The following TPST1 variants were observed in gnomAD, a reference collection of about 807,000 sequenced individuals.
TPST1 encodes protein-tyrosine sulfotransferase 1.
Under a neutral mutation model 34.8 loss-of-function variants are expected in TPST1, and 20 were observed. The observed-to-expected ratio is 0.57, with a 90% CI of 0.40 to 0.84. The LOEUF is 0.84. Ranked by LOEUF, TPST1 falls within the 40% of genes least tolerant of loss-of-function variation. TPST1 has a pLI of 0.00. For synonymous variants in TPST1, 152 were observed against 159.4 expected (o/e 0.95, Z 0.35); for missense variants, 353 against 455.5 (o/e 0.78, Z 2.05).
chr7:66,240,999 T>A lies in TPST1; in HGVS notation c.574T>A (p.Ser192Thr). Residue 192 changes from serine to threonine, a missense_variant, in exon 2 of 6, where the codon TCA (serine) becomes ACA (threonine). By Grantham distance (58) the Ser-to-Thr change is moderately conservative. Coordinates refer to ENST00000304842, the MANE Select transcript of TPST1 (RefSeq NM_003596.4). ...MVRDGRASVH[S>T]MISRKVTIAG... is the part of the protein sequence containing the mutation. ...CCGAGATGGCCGGGCATCAGTACAT[T>A]CAATGATTTCTCGAAAAGTTACTAT... The A allele has an allele frequency of 6.2e-7, 1 of 1,614,210 alleles. No individual in the cohort carries two copies. The highest frequency in any genetic ancestry group is 8.5e-7 in the Non-Finnish European group (1 of 1,180,040).
intron 1 of TPST1, among the ~76,000 whole-genome samples, chr7:66,238,320 T>A (rs1181839194): frequency 6.6e-6 from 1 of 152,152 alleles, no homozygotes; most frequent in Non-Finnish European, 1.5e-5. Flanking sequence ...TCCTTCGTTA[T>A]TTTGTCATGC....
At chr7:66,242,147 A>G (rs987115793) in intron 2 of TPST1, among the ~76,000 whole-genome samples, 6 of 152,168 alleles carry the variant, frequency 3.9e-5, no homozygotes, top group African/African-American at 1.4e-4. Context: ...ATAAAAATGG[A>G]AACTACTATT....
At chr7:66,279,454 G>A (rs182220986) in intron 2 of TPST1, among the ~76,000 whole-genome samples, 237 of 152,272 alleles carry the variant, frequency 1.6e-3, no homozygotes, top group African/African-American at 5.5e-3. Context: ...CCAGTAAGGG[G>A]GTTACTGGGT....
chr7:66,213,339 C>T (rs1446169730), intron 1 of TPST1, among the ~76,000 whole-genome samples: 1 of 151,974 alleles, frequency 6.6e-6, no homozygotes, highest in Non-Finnish European at 1.5e-5. Context: ...GTTGAGCTAA[C>T]CCACCGAGTT....
chr7:66,267,508 C>T (rs184581217), intron 2 of TPST1, among the ~76,000 whole-genome samples: 1 of 151,994 alleles, frequency 6.6e-6, no homozygotes, highest in Non-Finnish European at 1.5e-5. Flanking sequence ...CAAGATGTTG[C>T]TACACAGAGA....
At chr7:66,316,753 TAAATG>T (rs1379843589) in intron 3 of TPST1, among the ~76,000 whole-genome samples, 1 of 152,222 alleles carries the variant, frequency 6.6e-6, no homozygotes, top group Admixed American at 6.5e-5. Flanking sequence ...GAATTTCAGA[TAAATG>T]TTGAGTACTT....
intron 2 of TPST1, among the ~76,000 whole-genome samples, chr7:66,278,016 C>G (rs1422375735): frequency 7.3e-6 from 1 of 137,880 alleles, no homozygotes; most frequent in African/African-American, 2.7e-5. Context: ...TGGAGAATTG[C>G]TTGAGCCCAT....
At chr7:66,335,105 G>A (rs1312781362) in intron 3 of TPST1, among the ~76,000 whole-genome samples, 2 of 152,082 alleles carry the variant, frequency 1.3e-5, no homozygotes, top group African/African-American at 2.4e-5. Flanking sequence ...ATCCCTGGTC[G>A]GATTTTCCAC....
In TPST1 at chr7:66,240,374, G is replaced by A; in HGVS notation, c.-52G>A. ...ACTGTCCATGGCCTGAACATTTTCC[G>A]AAAATCATTTTGAGCAAAATATCTG... is the stretch of plus-strand genomic sequence containing the variant. On this transcript the variant is annotated 5_prime_UTR_variant, in exon 2 of 6. Coordinates refer to ENST00000304842, the MANE Select transcript of TPST1 (RefSeq NM_003596.4). The A allele has an allele frequency of 1.3e-5, 20 of 1,570,764 alleles. No individual in the cohort carries two copies. The highest frequency in any genetic ancestry group is 1.6e-5 in the Non-Finnish European group (18 of 1,158,010).
intron 1 of TPST1, among the ~76,000 whole-genome samples, chr7:66,206,406 G>C (rs1584130187): frequency 1.3e-5 from 2 of 152,186 alleles, no homozygotes; most frequent in East Asian, 3.8e-4. Context: ...CAGGCGTTTT[G>C]TACTTTCCAG....
chr7:66,221,614 A>G (rs1366297639), intron 1 of TPST1: 1 of 152,230 alleles, frequency 6.6e-6, no homozygotes, highest in African/African-American at 2.4e-5. Flanking sequence ...ATTACAGTGT[A>G]AGTGAGAGCT....
chr7:66,303,520 C>G (rs1405559132), intron 3 of TPST1, among the ~76,000 whole-genome samples: 4 of 152,112 alleles, frequency 2.6e-5, no homozygotes, highest in Admixed American at 1.3e-4. Context: ...AGCAATTCTC[C>G]CACCTCAGCC....
chr7:66,264,793 T>C (rs1200184286), intron 2 of TPST1, among the ~76,000 whole-genome samples: 3 of 152,082 alleles, frequency 2.0e-5, no homozygotes, highest in Non-Finnish European at 1.5e-5. Flanking sequence ...AAGCCATGAA[T>C]AGAAATTGTC....
chr7:66,338,503 C>G (rs898192052), intron 3 of TPST1, among the ~76,000 whole-genome samples: 5 of 152,152 alleles, frequency 3.3e-5, no homozygotes, highest in Non-Finnish European at 7.4e-5. Context: ...ACAGAACATT[C>G]CATCCAACAG....
At chr7:66,220,642 G>A (rs1177193362) in intron 1 of TPST1, among the ~76,000 whole-genome samples, 2 of 140,328 alleles carry the variant, frequency 1.4e-5, no homozygotes, top group African/African-American at 2.6e-5. Flanking sequence ...TGCTTCAGGT[G>A]GATGACAGTG....
chr7:66,324,098 C>CTA (rs1791812762), intron 3 of TPST1, among the ~76,000 whole-genome samples: 1 of 152,162 alleles, frequency 6.6e-6, no homozygotes, highest in Non-Finnish European at 1.5e-5. Flanking sequence ...CTGATACATG[C>CTA]TACAATAAGG....
chr7:66,329,185 G>T (rs1369736129), intron 3 of TPST1, among the ~76,000 whole-genome samples: 1 of 151,816 alleles, frequency 6.6e-6, no homozygotes, highest in Non-Finnish European at 1.5e-5. Context: ...GAAATTCTGG[G>T]ATTATAGGTG....
At chr7:66,270,334 C>T (rs1322873535) in intron 2 of TPST1, among the ~76,000 whole-genome samples, 1 of 152,116 alleles carries the variant, frequency 6.6e-6, no homozygotes. Context: ...TTTTATAAGG[C>T]AAACACTCTT....
At chr7:66,321,416 A>C (rs1445019469) in intron 3 of TPST1, among the ~76,000 whole-genome samples, 1 of 152,266 alleles carries the variant, frequency 6.6e-6, no homozygotes, top group Non-Finnish European at 1.5e-5. Context: ...TCAACCATAA[A>C]TCACATTGTT....
Sources: gnomAD v4.1 joint callset for allele counts (sites outside exome capture counted in the v4.1 genomes callset) on GRCh38, gnomAD v4.1.1 for gene constraint, MANE v1.5 for transcripts, NCBI Gene and HGNC (gene_info 2026-07-23, HGNC 2026-07-21) for gene names.